ARID1B: variants seen among roughly 807,000 people sequenced by gnomAD.
ARID1B encodes the protein AT-rich interaction domain 1B, also known as AT-rich interactive domain-containing protein 1B.
Under a neutral mutation model 212.3 loss-of-function variants are expected in ARID1B, and 30 were observed. That is an observed-to-expected ratio of 0.14 (90% confidence interval 0.11 to 0.19). The LOEUF (loss-of-function observed/expected upper bound fraction) is 0.19, where lower values mean the gene tolerates loss of function less well. Among genes scored for constraint, ARID1B ranks in the 10% least tolerant of loss-of-function variants. ARID1B has a pLI of 1.00. For missense variants in ARID1B, 2,891 were observed against 3,204.0 expected (o/e 0.90, Z 2.36); for synonymous variants, 1,402 against 1,301.7 (o/e 1.08, Z -1.66).
At chr6:156,900,598 T>TGA (rs1409345218) in intron 2 of ARID1B, among the ~76,000 whole-genome samples, 1 of 152,166 alleles carries the variant, frequency 6.6e-6, no homozygotes, top group East Asian at 1.9e-4. Context: ...TGCTCTCTCT[T>TGA]GAAATTACAG....
chr6:157,097,453 G>A (rs1221658412), intron 5 of ARID1B, among the ~76,000 whole-genome samples: 1 of 152,116 alleles, frequency 6.6e-6, no homozygotes, highest in Non-Finnish European at 1.5e-5. Context: ...TGGAAAACAC[G>A]GTCCCTCGTA....
intron 6 of ARID1B, among the ~76,000 whole-genome samples, chr6:157,122,977 C>T (rs566514079): frequency 7.9e-5 from 12 of 152,076 alleles, no homozygotes; most frequent in East Asian, 3.9e-4. Flanking sequence ...CCACCGTGCC[C>T]GGCCAGGAAT....
chr6:156,894,336 G>T (rs968204413), intron 2 of ARID1B, among the ~76,000 whole-genome samples: 3 of 145,222 alleles, frequency 2.1e-5, no homozygotes, highest in Non-Finnish European at 3.1e-5. Context: ...AGAATGTGGG[G>T]TTGTTATTTC....
chr6:156,852,239 G>A (rs964537829), intron 2 of ARID1B, among the ~76,000 whole-genome samples: 1 of 152,124 alleles, frequency 6.6e-6, no homozygotes, highest in Non-Finnish European at 1.5e-5. Flanking sequence ...CCTGAGGCCA[G>A]AAGTTTGAGA....
At chr6:157,193,123 A>C (rs752201677) in intron 15 of ARID1B, among the ~76,000 whole-genome samples, 5 of 152,192 alleles carry the variant, frequency 3.3e-5, no homozygotes, top group Non-Finnish European at 4.4e-5. Flanking sequence ...AATGAACATC[A>C]TTTTATATGT....
chr6:156,981,556 A>C (rs1777605599), intron 4 of ARID1B, among the ~76,000 whole-genome samples: 1 of 152,248 alleles, frequency 6.6e-6, no homozygotes, highest in East Asian at 1.9e-4. Flanking sequence ...TTATCTTTTA[A>C]ATTCCTCAGT....
chr6:157,157,174 G>T (rs900047499), intron 8 of ARID1B, among the ~76,000 whole-genome samples: 11 of 152,100 alleles, frequency 7.2e-5, no homozygotes, highest in Non-Finnish European at 4.4e-5. Context: ...ACTCGGAGAT[G>T]GCTCACCGTG....
chr6:156,867,867 C>G (rs1295020276), intron 2 of ARID1B, among the ~76,000 whole-genome samples: 1 of 152,200 alleles, frequency 6.6e-6, no homozygotes, highest in Non-Finnish European at 1.5e-5. Context: ...TTTAAAAAGG[C>G]AGGTGGAGAA....
intron 4 of ARID1B, among the ~76,000 whole-genome samples, chr6:157,064,549 T>C (rs760175745): frequency 1.3e-5 from 2 of 152,188 alleles, no homozygotes; most frequent in Non-Finnish European, 2.9e-5. Flanking sequence ...ATGCTTCTTA[T>C]TCATGAGCAC....
intron 15 of ARID1B, chr6:157,194,801 A>G (rs1283244337): frequency 6.6e-6 from 1 of 152,164 alleles, no homozygotes; most frequent in Non-Finnish European, 1.5e-5. Context: ...ATTTCATGAG[A>G]TAATATTACT....
At chr6:157,092,830 C>G (rs779915575) in intron 5 of ARID1B, among the ~76,000 whole-genome samples, 4 of 152,178 alleles carry the variant, frequency 2.6e-5, no homozygotes, top group Non-Finnish European at 5.9e-5. Context: ...GTGCCTTTTT[C>G]TTGCTCTGCA....
intron 1 of ARID1B, among the ~76,000 whole-genome samples, chr6:156,785,499 G>A (rs1286341139): frequency 6.6e-6 from 1 of 151,546 alleles, no homozygotes; most frequent in Non-Finnish European, 1.5e-5. Flanking sequence ...TTTTTGTAAT[G>A]GGATGCTAAA....
intron 1 of ARID1B, among the ~76,000 whole-genome samples, chr6:156,809,713 G>GAA (rs370188789): frequency 0.28 from 29,074 of 104,214 alleles, 3,522 homozygotes; most frequent in Non-Finnish European, 0.31. Flanking sequence ...CTTTTTCAAA[G>GAA]AAAAAAAAAA....
chr6:156,879,754 TAAG>T (rs1786888185), intron 2 of ARID1B, among the ~76,000 whole-genome samples: 1 of 152,182 alleles, frequency 6.6e-6, no homozygotes, highest in African/African-American at 2.4e-5. Flanking sequence ...TGCTGGGAGT[TAAG>T]ATATAAACAT....
intron 11 of ARID1B, 147 bp from the exon 12 acceptor site, chr6:157,180,822 A>G (rs1483578659): frequency 1.5e-6 from 1 of 646,874 alleles, no homozygotes; most frequent in African/African-American, 1.8e-5. Context: ...CTGAACTAGT[A>G]GCCTTCATTC....
At position 156,955,126 on chromosome 6, in the gene ARID1B, C is replaced by G. The variant is rs1480909231; in HGVS notation, c.2247+19550C>G. Among the ~76,000 whole-genome samples, 2 of 152,250 alleles carry G rather than the reference C, an allele frequency of 1.3e-5. No individual in the cohort carries two copies. Among genetic ancestry groups the G allele is most frequent in the African/African-American group, 4.8e-5 (2 of 41,472 alleles). Reference sequence around the variant, plus strand: ...TCAAGTGCTCATCGACCCTTCCTGGCTGCTGTTGGACTGGGTCGGGGCTGT... The same window carrying G: ...TCAAGTGCTCATCGACCCTTCCTGGGTGCTGTTGGACTGGGTCGGGGCTGT... On this transcript the variant is annotated intron_variant, in intron 4 of 19. Transcript: ENST00000636930. The surrounding 1 kb of genome is among the most constrained non-coding windows in gnomAD (Gnocchi z 4.2).
chr6:157,123,668 C>T (rs572365510), intron 6 of ARID1B, among the ~76,000 whole-genome samples: 1 of 152,132 alleles, frequency 6.6e-6, no homozygotes, highest in East Asian at 1.9e-4. Flanking sequence ...TGTAGGGAAA[C>T]CTGGCAAGAG....
rs1778866146 is a variant in ARID1B, at chr6:156,778,580, G to A, written c.900G>A (p.Val300=). ...GCACGCAGCAGCCGCCGGTCGCCGTGCCCGGGGGCGGCGGCGGCCCGGCGG... is the reference window on the plus strand; with the variant it reads ...GCACGCAGCAGCCGCCGGTCGCCGTACCCGGGGGCGGCGGCGGCCCGGCGG... ...ALGTQQPPVA[V]PGGGGGPAAV... The change falls in exon 1 of 20, where the codon GTG becomes GTA. Residue 300 remains valine, a synonymous_variant. Coordinates refer to ENST00000636930, the MANE Select transcript of ARID1B (RefSeq NM_001374828.1). The A allele has an allele frequency of 4.8e-6, 6 of 1,260,944 alleles. No individual in the cohort carries two copies. Among genetic ancestry groups the A allele is most frequent in the Non-Finnish European group, 6.0e-6 (6 of 1,005,698 alleles). The allele number at this position is 1,260,944 out of a possible 1,614,324, so 78.1% of individuals were successfully genotyped here.
chr6:157,066,759 TA>T (rs1783700191), intron 4 of ARID1B, among the ~76,000 whole-genome samples: 1 of 152,198 alleles, frequency 6.6e-6, no homozygotes, highest in Non-Finnish European at 1.5e-5. Flanking sequence ...CTTGTTTTGC[TA>T]GGAGAGGAAG....
Sources: gnomAD v4.1 joint callset for allele counts (sites outside exome capture counted in the v4.1 genomes callset) on GRCh38, gnomAD v4.1.1 for gene constraint, Gnocchi (gnomAD v3.1) non-coding constraint, MANE v1.5 for transcripts, NCBI Gene and HGNC (gene_info 2026-07-23, HGNC 2026-07-21) for gene names.